The following EVC2 variants were observed in gnomAD, a reference collection of about 807,000 sequenced individuals.
The protein encoded by EVC2 is limbin.
EVC2 carries 148 observed loss-of-function variants against 149.3 expected under a neutral mutation model. The observed-to-expected ratio is 0.99, with a 90% CI of 0.87 to 1.14. EVC2 has a LOEUF of 1.14. Ranked by LOEUF, EVC2 falls within the 50% of genes most tolerant of loss-of-function variation. EVC2 has a pLI of 0.00. For missense variants in EVC2, 1,854 were observed against 1,627.3 expected (o/e 1.14, Z -2.40); for synonymous variants, 776 against 649.9 (o/e 1.19, Z -2.95).
chr4:5,687,486 G>A (rs114202052), intron 5 of EVC2, among the ~76,000 whole-genome samples: 36 of 152,170 alleles, frequency 2.4e-4, no homozygotes, highest in South Asian at 4.2e-4. Context: ...ATGAATTCAC[G>A]TGTGGAAAGT....
intron 3 of EVC2, 100 bp from the exon 4 acceptor site, chr4:5,691,433 AGATTACTG>A: frequency 1.1e-6 from 1 of 894,366 alleles, no homozygotes; most frequent in Non-Finnish European, 1.8e-6. Context: ...GAGGGTAGAA[AGATTACTG>A]CTACTAATCC....
Position 5,665,516 on chromosome 4 carries a change from C to A in EVC2, c.1004G>T (p.Arg335Leu), listed in dbSNP as rs778713498. The A allele has an allele frequency of 6.2e-7, 1 of 1,614,074 alleles. No homozygotes were observed. The highest frequency in any genetic ancestry group is 1.3e-5 in the African/African-American group (1 of 75,030). The stretch of plus-strand genomic sequence containing the variant: ...AAACCACCCTCAGGGAAGACTCACC[C>A]GATGTCTGGTGAGCATGTTTCCCTT... Reference protein sequence around the residue: ...CLKGNMLTRHRVWQYESKLEP... With the variant: ...CLKGNMLTRHLVWQYESKLEP... The change falls in exon 8 of 22, where the codon CGG (arginine) becomes CTG (leucine). Residue 335 changes from arginine (R) to leucine (L), a missense_variant and splice_region_variant. Transcript: ENST00000344408.
At chr4:5,555,190 A>G (rs1721817262) in intron 21 of EVC2, among the ~76,000 whole-genome samples, 1 of 152,158 alleles carries the variant, frequency 6.6e-6, no homozygotes, top group Non-Finnish European at 1.5e-5. Flanking sequence ...GATAAAATAG[A>G]GTAAGAGAAA....
In EVC2 at chr4:5,633,052, C is replaced by A. The variant is rs918658527; in HGVS notation, c.1471-1020G>T. ...GACTTTGAATTAATCAAAAGGAAGA[C>A]TCTCCTGGGTGGGCCTGACTCCTTA... On this transcript the variant is annotated intron_variant, in intron 10 of 21. Coordinates refer to ENST00000344408, the MANE Select transcript of EVC2 (RefSeq NM_147127.5). This position sits in a 1 kb window ranked among gnomAD's most constrained non-coding sequence, Gnocchi z 4.4. Among the ~76,000 whole-genome samples, 9 of 152,198 alleles carry A rather than the reference C, an allele frequency of 5.9e-5. No homozygotes were observed. The highest frequency in any genetic ancestry group is 2.2e-4 in the African/African-American group (9 of 41,448).
At chr4:5,627,847 G>C (rs941642119) in intron 12 of EVC2, among the ~76,000 whole-genome samples, 4 of 152,152 alleles carry the variant, frequency 2.6e-5, no homozygotes, top group African/African-American at 9.7e-5. Flanking sequence ...AGATCTTAAA[G>C]AGAAGTGGGC....
chr4:5,556,966 C>T (rs1560118749), intron 21 of EVC2, among the ~76,000 whole-genome samples: 1 of 152,070 alleles, frequency 6.6e-6, no homozygotes, highest in African/African-American at 2.4e-5. Flanking sequence ...GCCCCAGACT[C>T]AGATCATTTT....
downstream of EVC2, among the ~76,000 whole-genome samples, chr4:5,538,648 G>A (rs1371891242): frequency 6.6e-6 from 1 of 152,102 alleles, no homozygotes; most frequent in African/African-American, 2.4e-5. Flanking sequence ...TTTATCCCAA[G>A]AAGGCACAGT....
intron 21 of EVC2, among the ~76,000 whole-genome samples, chr4:5,564,459 T>G (rs1390603844): frequency 6.6e-6 from 1 of 152,252 alleles, no homozygotes; most frequent in Non-Finnish European, 1.5e-5. Context: ...AGGCTACTAA[T>G]GGTTCCAAGC....
At chr4:5,577,631 A>G (rs1015047236) in intron 17 of EVC2, among the ~76,000 whole-genome samples, 3 of 152,122 alleles carry the variant, frequency 2.0e-5, no homozygotes, top group South Asian at 2.1e-4. Flanking sequence ...ACTCTGAAAC[A>G]CTATTCAAGA....
chr4:5,693,463 A>G (rs1384016637), intron 3 of EVC2, among the ~76,000 whole-genome samples: 1 of 152,216 alleles, frequency 6.6e-6, no homozygotes, highest in South Asian at 2.1e-4. Context: ...ATGGAGGGAG[A>G]GAGTCAAGTG....
chr4:5,634,149 CTAA>C (rs1418452876), intron 10 of EVC2, among the ~76,000 whole-genome samples: 1 of 152,212 alleles, frequency 6.6e-6, no homozygotes, highest in Non-Finnish European at 1.5e-5. Flanking sequence ...CTTGCCCATA[CTAA>C]TAGCTTGCCT....
chr4:5,536,913 A>G, the EVC2 span, among the ~76,000 whole-genome samples: 12 of 152,232 alleles, frequency 7.9e-5, no homozygotes, highest in African/African-American at 2.9e-4. Flanking sequence ...AAAAAGACAA[A>G]GCATCTTAAT....
chr4:5,662,330 A>C (rs1718932967), intron 9 of EVC2, among the ~76,000 whole-genome samples: 1 of 151,890 alleles, frequency 6.6e-6, no homozygotes, highest in South Asian at 2.1e-4. Context: ...AATCTGTACA[A>C]CAAACCCCCT....
At position 5,631,981 on chromosome 4, in the gene EVC2, C is replaced by G; in HGVS notation, c.1522G>C (p.Glu508Gln). Reference sequence around the variant, plus strand: ...AAAGCGAGAGACTTCCTCAAGTGCTCCTGTTCCAGGCCATGGAGGGTCCGC... The same window carrying G: ...AAAGCGAGAGACTTCCTCAAGTGCTGCTGTTCCAGGCCATGGAGGGTCCGC... ...LLRTLHGLEQ[E>Q]HLRKSLALQQ... The change falls in exon 11 of 22, where the codon GAG becomes CAG. Residue 508 changes from glutamate (E) to glutamine (Q), a missense_variant. Glu to Gln is a conservative substitution (Grantham distance 29). Transcript: ENST00000344408. The G allele has an allele frequency of 6.2e-7, 1 of 1,614,232 alleles. No homozygotes were observed. The highest frequency in any genetic ancestry group is 8.5e-7 in the Non-Finnish European group (1 of 1,180,054).
chr4:5,593,367 A>G (rs1230982288), intron 16 of EVC2, among the ~76,000 whole-genome samples: 1 of 152,038 alleles, frequency 6.6e-6, no homozygotes, highest in Non-Finnish European at 1.5e-5. Flanking sequence ...TTCAATAAAC[A>G]TTTACTCCTG....
At chr4:5,638,898 G>A (rs1404812553) in intron 10 of EVC2, among the ~76,000 whole-genome samples, 2 of 152,104 alleles carry the variant, frequency 1.3e-5, no homozygotes, top group African/African-American at 2.4e-5. Context: ...ACTAGATTTT[G>A]GACGTCTGGC....
At position 5,569,636 on chromosome 4, in the gene EVC2, T is replaced by C. The variant is rs58941588; in HGVS notation, c.3361-996A>G. Among the ~76,000 whole-genome samples the C allele has an allele frequency of 0.028, 4,207 of 151,792 alleles. 162 individuals are homozygous for C. The highest frequency in any genetic ancestry group is 0.094 in the African/African-American group (3,867 of 41,352). On this transcript the variant is annotated intron_variant, in intron 19 of 21. Transcript: ENST00000344408. This position sits in a 1 kb window ranked among gnomAD's most constrained non-coding sequence, Gnocchi z 4.8. ...AAGGAGCAGTGTCCAGCCAGGGGCC[T>C]GTGCAGGGGCAGGCAGGGGTGGGAG...
At position 5,562,715 on chromosome 4, in the gene EVC2, C is replaced by T. The variant is rs530867998; in HGVS notation, c.*133G>A. On this transcript the variant is annotated 3_prime_UTR_variant, in exon 22 of 22. Transcript: ENST00000344408. The surrounding 1 kb of genome is among the most constrained non-coding windows in gnomAD (Gnocchi z 4.3). ...AACCGAGTCCCTGCAAGTTGGCATGCGCTACGGGGTCTGTGCCTTCTGCAT... is the reference window on the plus strand; with the variant it reads ...AACCGAGTCCCTGCAAGTTGGCATGTGCTACGGGGTCTGTGCCTTCTGCAT... The T allele has an allele frequency of 1.1e-4, 174 of 1,557,270 alleles. 1 individual carries two copies. In the African/African-American group the frequency reaches 1.8e-3, roughly 16 times the overall value.
intron 6 of EVC2, 116 bp downstream of exon 6, chr4:5,685,254 G>A: frequency 2.0e-6 from 2 of 985,656 alleles, no homozygotes; most frequent in Non-Finnish European, 3.2e-6. Flanking sequence ...TATCTGCTAG[G>A]TGGCATCACT....
Sources: gnomAD v4.1 joint callset for allele counts (sites outside exome capture counted in the v4.1 genomes callset) on GRCh38, gnomAD v4.1.1 for gene constraint, Gnocchi (gnomAD v3.1) non-coding constraint, MANE v1.5 for transcripts, NCBI Gene and HGNC (gene_info 2026-07-23, HGNC 2026-07-21) for gene names.